Variants in SLIT2 observed in about 807,000 individuals in gnomAD.
SLIT2 encodes slit guidance ligand 2, also known as slit homolog 2 protein.
SLIT2 carries 41 observed loss-of-function variants against 185.7 expected under a neutral mutation model. That is an observed-to-expected ratio of 0.22 (90% CI 0.17 to 0.29). SLIT2 has a LOEUF of 0.29. Among genes scored for constraint, SLIT2 ranks in the 10% least tolerant of loss-of-function variants. SLIT2 has a pLI of 1.00. For synonymous variants in SLIT2, 693 were observed against 680.2 expected (o/e 1.02, Z -0.29); for missense variants, 1,571 against 1,909.0 (o/e 0.82, Z 3.30).
chr4:20,541,499 T>A lies in SLIT2; in HGVS notation c.2023T>A (p.Leu675Met), dbSNP rs761545665. 1 of 1,613,846 alleles carries A rather than the reference T, an allele frequency of 6.2e-7. No homozygotes were observed. The highest frequency in any genetic ancestry group is 1.3e-5 in the African/African-American group (1 of 74,894). ...PFNCNCYLAW[L>M]GEWLRKKRIV... ...TAACTGTAACTGCTACCTGGCTTGG[T>A]TGGGAGAGTGGCTGAGAAAGAAGAG... is the stretch of plus-strand genomic sequence containing the variant. Residue 675 changes from leucine (L) to methionine (M), a missense_variant, in exon 20 of 37, where the codon TTG (leucine) becomes ATG (methionine). By Grantham distance (15) the Leu-to-Met change is conservative. Around this residue, in one of 3 missense-constraint regions of SLIT2, gnomAD observed 1,202 missense variants for 1,416.4 expected, o/e 0.85. Transcript: ENST00000504154.
intron 11 of SLIT2, among the ~76,000 whole-genome samples, chr4:20,514,312 T>C (rs569022147): frequency 6.6e-6 from 1 of 152,300 alleles, no homozygotes; most frequent in South Asian, 2.1e-4. Flanking sequence ...AAAGGTGATA[T>C]GATGCCAAGC....
At chr4:20,445,150 A>T (rs1415106160) in intron 4 of SLIT2, among the ~76,000 whole-genome samples, 5 of 152,164 alleles carry the variant, frequency 3.3e-5, no homozygotes, top group Admixed American at 6.5e-5. Context: ...TAATTCAGAG[A>T]GGTCTGCACC....
chr4:20,363,726 A>T (rs1177909097), intron 4 of SLIT2, among the ~76,000 whole-genome samples: 6 of 152,056 alleles, frequency 3.9e-5, no homozygotes, highest in East Asian at 1.9e-4. Flanking sequence ...GGTTATGAAT[A>T]AAAAAAATCA....
intron 26 of SLIT2, among the ~76,000 whole-genome samples, chr4:20,564,811 A>T (rs1024267317): frequency 1.3e-5 from 2 of 151,648 alleles, no homozygotes; most frequent in African/African-American, 4.8e-5. Flanking sequence ...AACTGAACAT[A>T]TATGAGGAGG....
intron 4 of SLIT2, among the ~76,000 whole-genome samples, chr4:20,270,796 A>C (rs1449837105): frequency 6.6e-6 from 1 of 152,010 alleles, no homozygotes; most frequent in Non-Finnish European, 1.5e-5. Flanking sequence ...AGATTTAGGC[A>C]CTGGATGTAC....
chr4:20,340,805 A>G (rs1004066298), intron 4 of SLIT2, among the ~76,000 whole-genome samples: 3 of 152,008 alleles, frequency 2.0e-5, no homozygotes, highest in Admixed American at 1.3e-4. Context: ...GTTTCATTCT[A>G]TTAGCCAGGA....
At chr4:20,257,349 T>C (rs1711957026) in intron 2 of SLIT2, among the ~76,000 whole-genome samples, 1 of 152,054 alleles carries the variant, frequency 6.6e-6, no homozygotes, top group South Asian at 2.1e-4. Flanking sequence ...TAATGTTAAA[T>C]TGTTCTCACC....
chr4:20,520,869 G>A (rs1412330706), intron 12 of SLIT2, among the ~76,000 whole-genome samples: 1 of 152,090 alleles, frequency 6.6e-6, no homozygotes, highest in East Asian at 1.9e-4. Context: ...GAGAAATACT[G>A]ATTTTGTAAC....
At chr4:20,358,343 G>A (rs902544565) in intron 4 of SLIT2, among the ~76,000 whole-genome samples, 4 of 152,160 alleles carry the variant, frequency 2.6e-5, no homozygotes, top group African/African-American at 9.6e-5. Flanking sequence ...GCATGTCGAT[G>A]CATGTATCCA....
In SLIT2 at chr4:20,361,312, C is replaced by T. The variant is rs1279370184; in HGVS notation, c.395+92431C>T. Among the ~76,000 whole-genome samples the T allele has an allele frequency of 6.6e-5, 10 of 152,190 alleles. No homozygotes were observed. The East Asian group carries it at 1.7e-3, about 27-fold the overall frequency. The stretch of plus-strand genomic sequence containing the variant: ...CTTGCTCTGCCTCGCATCCATCCAT[C>T]CACCCGTCCACCCATCTACCCATCC... On this transcript the variant is annotated intron_variant, in intron 4 of 36. Coordinates refer to ENST00000504154, the MANE Select transcript of SLIT2 (RefSeq NM_004787.4).
chr4:20,567,491 C>T (rs1010410283), intron 27 of SLIT2, 27 bp from the exon 28 acceptor site: 14 of 1,609,088 alleles, frequency 8.7e-6, no homozygotes, highest in Middle Eastern at 1.6e-4. Flanking sequence ...CTACTTCACT[C>T]GACTATACTT....
chr4:20,357,700 A>G (rs1053604186), intron 4 of SLIT2, among the ~76,000 whole-genome samples: 3 of 152,160 alleles, frequency 2.0e-5, no homozygotes, highest in Non-Finnish European at 4.4e-5. Flanking sequence ...TTTGAAAGAC[A>G]TACTATTATC....
intron 4 of SLIT2, among the ~76,000 whole-genome samples, chr4:20,335,503 G>T (rs1194661883): frequency 6.6e-6 from 1 of 152,096 alleles, no homozygotes; most frequent in Non-Finnish European, 1.5e-5. Flanking sequence ...TATGTAACAG[G>T]GCGGGTTAAA....
chr4:20,476,613 C>CA (rs1429752073), intron 5 of SLIT2, among the ~76,000 whole-genome samples: 4 of 151,732 alleles, frequency 2.6e-5, no homozygotes, highest in Admixed American at 6.6e-5. Flanking sequence ...TAATTCTTAC[C>CA]AAAAAAACCT....
At position 20,586,912 on chromosome 4, in the gene SLIT2, T is replaced by G. The variant is rs77071011; in HGVS notation, c.3089-2732T>G. Among the ~76,000 whole-genome samples the G allele has an allele frequency of 5.9e-3, 891 of 152,274 alleles. 52 individuals are homozygous for G. The East Asian group carries it at 0.15, about 25-fold the overall frequency. ...GGAAATAGTAAACAGACCCAGGTGA[T>G]ATGAATGTCGGGTGGAAGATTGGTC... On this transcript the variant is annotated intron_variant, in intron 29 of 36. Coordinates refer to ENST00000504154, the MANE Select transcript of SLIT2 (RefSeq NM_004787.4).
rs1422103966 is a variant in SLIT2, at chr4:20,406,118, A to G, written c.396-61634A>G. 1.4e-5 allele frequency among the ~76,000 whole-genome samples: 2 copies of G among 144,056 alleles called. 1 individual carries two copies. The highest frequency in any genetic ancestry group is 3.1e-5 in the Non-Finnish European group (2 of 64,678). 94.5% of individuals were successfully genotyped at this position (144,056 alleles called of 152,430 possible). On this transcript the variant is annotated intron_variant, in intron 4 of 36. Transcript: ENST00000504154. ...GTCAATAGATTTACACAGGTAAACA[A>G]CTGAATCTTCCTCTTTATCTCAGAC...
At chr4:20,533,535 A>C (rs1267336756) in intron 17 of SLIT2, 37 bp from the exon 18 acceptor site, 1 of 1,507,838 alleles carries the variant, frequency 6.6e-7, no homozygotes, top group Non-Finnish European at 9.1e-7. Flanking sequence ...CTTGTTAGAA[A>C]TTATTTAAAA....
intron 5 of SLIT2, among the ~76,000 whole-genome samples, chr4:20,469,479 G>T (rs1714723862): frequency 6.6e-6 from 1 of 152,066 alleles, no homozygotes; most frequent in Non-Finnish European, 1.5e-5. Context: ...TAAAACATGT[G>T]ATTTCAAAAG....
In SLIT2 at chr4:20,572,134, A is replaced by G. The variant is rs180871070; in HGVS notation, c.3088+3130A>G. ...AAAATTCTCTGCTCTTTCCTGCTCC[A>G]GGGATTGACAGCATGAATTGTAAGG... On this transcript the variant is annotated intron_variant, in intron 29 of 36. Coordinates refer to ENST00000504154, the MANE Select transcript of SLIT2 (RefSeq NM_004787.4). Among the ~76,000 whole-genome samples the G allele has an allele frequency of 2.3e-3, 347 of 152,366 alleles. 2 individuals are homozygous for G. The highest frequency in any genetic ancestry group is 4.1e-3 in the Non-Finnish European group (278 of 68,034).
Sources: gnomAD v4.1 joint callset for allele counts (sites outside exome capture counted in the v4.1 genomes callset) on GRCh38, gnomAD v4.1.1 for gene constraint, gnomAD v4.1.1 regional missense constraint, MANE v1.5 for transcripts, NCBI Gene and HGNC (gene_info 2026-07-23, HGNC 2026-07-21) for gene names.